Variants in ATG7 observed in about 807,000 individuals in gnomAD.
The protein encoded by ATG7 is autophagy related 7, also known as ubiquitin-like modifier-activating enzyme ATG7.
ATG7 carries 70 observed loss-of-function variants against 82.4 expected under a neutral mutation model. That is an observed-to-expected ratio of 0.85 (90% CI 0.70 to 1.04). The LOEUF (loss-of-function observed/expected upper bound fraction) is 1.04, where lower values mean the gene tolerates loss of function less well. ATG7 is among the 50% of genes least tolerant of loss of function. ATG7 has a pLI of 0.00. For missense variants in ATG7, 792 were observed against 864.3 expected, an observed-to-expected ratio of 0.92 and a Z score of 1.05; for synonymous variants, 287 against 313.0, an observed-to-expected ratio of 0.92 and a Z score of 0.88.
At chr3:11,328,429 A>T (rs1199935819) in intron 9 of ATG7, among the ~76,000 whole-genome samples, 1 of 152,216 alleles carries the variant, frequency 6.6e-6, no homozygotes, top group Non-Finnish European at 1.5e-5. Context: ...TCCTGAAAGG[A>T]TGACCATATC....
At chr3:11,325,363 C>T (rs1950726087) in intron 9 of ATG7, among the ~76,000 whole-genome samples, 1 of 152,116 alleles carries the variant, frequency 6.6e-6, no homozygotes, top group Non-Finnish European at 1.5e-5. Flanking sequence ...AGTTTCTGTG[C>T]TAAGTGCAGT....
intron 20 of ATG7, 143 bp downstream of exon 20, chr3:11,427,069 A>G: frequency 9.0e-7 from 1 of 1,115,226 alleles, no homozygotes; most frequent in Non-Finnish European, 1.2e-6. Context: ...GCTAGTTACC[A>G]GAGAACGAAT....
chr3:11,443,005 G>A (rs2152972026), intron 20 of ATG7, among the ~76,000 whole-genome samples: 1 of 152,268 alleles, frequency 6.6e-6, no homozygotes, highest in Non-Finnish European at 1.5e-5. Context: ...AAAAAAATCT[G>A]TGTAAAAACT....
At chr3:11,358,691 C>T (rs2076093185) in intron 15 of ATG7, 79 bp downstream of exon 15, 14 of 1,441,774 alleles carry the variant, frequency 9.7e-6, no homozygotes, top group Non-Finnish European at 1.1e-5. Flanking sequence ...ACCTTCCCTT[C>T]CCCAGGGCAG....
chr3:11,526,986 T>C (rs777396213), intron 20 of ATG7, among the ~76,000 whole-genome samples: 2 of 150,996 alleles, frequency 1.3e-5, no homozygotes, highest in Non-Finnish European at 2.9e-5. Flanking sequence ...TAAAAACTAA[T>C]AGTGTGGTAT....
chr3:11,429,071 A>T (rs1194700320), intron 20 of ATG7, among the ~76,000 whole-genome samples: 1 of 152,206 alleles, frequency 6.6e-6, no homozygotes, highest in Non-Finnish European at 1.5e-5. Flanking sequence ...TAGTTTTGGA[A>T]TCATACGTCA....
Position 11,342,267 on chromosome 3 carries a change from T to C in ATG7, c.1113T>C (p.Ala371=), listed in dbSNP as rs1953765484. Residue 371 remains alanine, a synonymous_variant, in exon 13 of 21, where the codon GCT becomes GCC. Coordinates refer to ENST00000693202, the MANE Select transcript of ATG7 (RefSeq NM_001349232.2). The part of the protein sequence containing the change: ...LGAGTLGCNV[A]RTLMGWGVRH... Reference sequence around the variant, plus strand: ...CCGGCACCTTGGGTTGCAATGTAGCTAGGACGTTGATGGTAAGTCGGAGGT... The same window carrying C: ...CCGGCACCTTGGGTTGCAATGTAGCCAGGACGTTGATGGTAAGTCGGAGGT... 6.2e-7 allele frequency: 1 copy of C among 1,612,938 alleles called. No homozygotes were observed. The highest frequency in any genetic ancestry group is 8.5e-7 in the Non-Finnish European group (1 of 1,179,830).
At chr3:11,352,861 G>C (rs1300324192) in intron 14 of ATG7, among the ~76,000 whole-genome samples, 1 of 152,212 alleles carries the variant, frequency 6.6e-6, no homozygotes, top group Non-Finnish European at 1.5e-5. Context: ...AAGAGGTCTT[G>C]AGGAGGGAGG....
At chr3:11,471,178 G>A (rs1468145241) in intron 20 of ATG7, among the ~76,000 whole-genome samples, 2 of 152,114 alleles carry the variant, frequency 1.3e-5, no homozygotes, top group Non-Finnish European at 2.9e-5. Flanking sequence ...TCCAAAGGCT[G>A]GCTAGCCTTT....
At chr3:11,333,905 G>T (rs1328278570) in intron 11 of ATG7, among the ~76,000 whole-genome samples, 1 of 151,694 alleles carries the variant, frequency 6.6e-6, no homozygotes, top group Non-Finnish European at 1.5e-5. Flanking sequence ...CCACTACCAC[G>T]CCCGGATAAT....
chr3:11,348,288 T>G (rs1203109370), intron 14 of ATG7: 1 of 445,896 alleles, frequency 2.2e-6, no homozygotes, highest in African/African-American at 2.0e-5. Context: ...TTGGTCTTGC[T>G]GACTTCAAGA....
At chr3:11,369,654 G>GC (rs2076862993) in intron 18 of ATG7, among the ~76,000 whole-genome samples, 1 of 151,202 alleles carries the variant, frequency 6.6e-6, no homozygotes, top group Admixed American at 6.6e-5. Flanking sequence ...CAATGTCTGG[G>GC]CTTCCTCTGT....
intron 20 of ATG7, among the ~76,000 whole-genome samples, chr3:11,442,499 AC>A: frequency 6.6e-6 from 1 of 152,232 alleles, no homozygotes; most frequent in South Asian, 2.1e-4. Context: ...AATATCTTGA[AC>A]TTTAAACAAT....
chr3:11,481,495 C>T (rs1244573005), intron 20 of ATG7, among the ~76,000 whole-genome samples: 1 of 152,174 alleles, frequency 6.6e-6, no homozygotes, highest in Non-Finnish European at 1.5e-5. Flanking sequence ...ATTTTACGTG[C>T]AGGTGCTGAG....
At position 11,396,643 on chromosome 3, in the gene ATG7, A is replaced by G. The variant is rs1234470732; in HGVS notation, c.1956+16591A>G. Among the ~76,000 whole-genome samples, 4 of 152,226 alleles carry G rather than the reference A, an allele frequency of 2.6e-5. No individual in the cohort carries two copies. The East Asian group carries it at 7.7e-4, about 29-fold the overall frequency. On this transcript the variant is annotated intron_variant, in intron 19 of 20. Transcript: ENST00000693202. ...AATACAAACTAAAGTTTAGCCGGGC[A>G]TGGTGGCAGACACCTGTAATTCCAG... is the stretch of plus-strand genomic sequence containing the variant.
At chr3:11,328,824 T>C (rs1374535752) in intron 9 of ATG7, among the ~76,000 whole-genome samples, 1 of 152,222 alleles carries the variant, frequency 6.6e-6, no homozygotes, top group Non-Finnish European at 1.5e-5. Context: ...CAGTGGCTCA[T>C]GCCTGTAATC....
chr3:11,379,404 T>C (rs568306526), intron 18 of ATG7, among the ~76,000 whole-genome samples: 3 of 152,362 alleles, frequency 2.0e-5, no homozygotes, highest in East Asian at 1.9e-4. Flanking sequence ...TCCAGAATTT[T>C]ATGCTCAAGG....
intron 9 of ATG7, among the ~76,000 whole-genome samples, chr3:11,317,353 A>G (rs1043883858): frequency 6.6e-6 from 1 of 152,170 alleles, no homozygotes; most frequent in Non-Finnish European, 1.5e-5. Flanking sequence ...TATGTGGTAA[A>G]TAAGTGGTCC....
At chr3:11,503,131 T>C (rs913259203) in intron 20 of ATG7, among the ~76,000 whole-genome samples, 1 of 152,126 alleles carries the variant, frequency 6.6e-6, no homozygotes, top group Non-Finnish European at 1.5e-5. Context: ...CTCCAGAGCC[T>C]CTGACCAGCT....
Sources: allele counts gnomAD v4.1 joint callset (sites outside exome capture counted in the v4.1 genomes callset), GRCh38; gene constraint gnomAD v4.1.1; transcripts MANE v1.5; gene names NCBI Gene and HGNC (gene_info 2026-07-23, HGNC 2026-07-21).